Variants in WDR93 observed in about 807,000 individuals in gnomAD.
WDR93 encodes WD repeat-containing protein 93.
A neutral mutation model predicts 82.9 loss-of-function variants in WDR93; 73 were observed. That is an observed-to-expected ratio of 0.88 (90% CI 0.73 to 1.07). WDR93 has a LOEUF of 1.07. WDR93 is among the 50% of genes least tolerant of loss of function. The pLI is 0.00. For missense variants in WDR93, 738 were observed against 826.0 expected, an observed-to-expected ratio of 0.89 and a Z score of 1.31; for synonymous variants, 283 against 300.1, an observed-to-expected ratio of 0.94 and a Z score of 0.59.
At chr15:89,727,443 G>T in intron 9 of WDR93, 115 bp downstream of exon 9, 1 of 1,235,370 alleles carries the variant, frequency 8.1e-7, no homozygotes, top group Non-Finnish European at 1.1e-6. Flanking sequence ...AGCTCTTTCT[G>T]GGGCCGGGAC....
intron 8 of WDR93, among the ~76,000 whole-genome samples, chr15:89,722,888 T>C (rs1249104356): frequency 2.0e-5 from 3 of 151,872 alleles, no homozygotes; most frequent in East Asian, 1.9e-4. Context: ...GGTAGCATTA[T>C]GTACAGAGGT....
At chr15:89,702,516 A>G (rs1439531720) in intron 2 of WDR93, among the ~76,000 whole-genome samples, 1 of 149,602 alleles carries the variant, frequency 6.7e-6, no homozygotes, top group African/African-American at 2.5e-5. Flanking sequence ...GTTTTAGATG[A>G]GCACTATGTT....
chr15:89,701,702 A>T lies in WDR93; in HGVS notation c.-40-5A>T, dbSNP rs1418230416. On this transcript the variant is annotated splice_region_variant and splice_polypyrimidine_tract_variant and intron_variant, in intron 1 of 16. Transcript: ENST00000268130. ...CAGAATTCCTTTGTTTACTTCTCTT[A>T]TCAGCTTTTCAGTTTCATAGAGGTT... is the stretch of plus-strand genomic sequence containing the variant. 3.2e-6 allele frequency: 5 copies of T among 1,574,276 alleles called. No individual in the cohort carries two copies. Among genetic ancestry groups the T allele is most frequent in the African/African-American group, 1.4e-5 (1 of 73,270 alleles).
At chr15:89,694,773 T>C (rs1042214482) in intron 1 of WDR93, among the ~76,000 whole-genome samples, 6 of 152,224 alleles carry the variant, frequency 3.9e-5, no homozygotes, top group African/African-American at 1.4e-4. Context: ...TAAGAGAAGA[T>C]TGCCAAAGTT....
chr15:89,726,859 C>T (rs1966756114), intron 8 of WDR93, among the ~76,000 whole-genome samples: 1 of 152,102 alleles, frequency 6.6e-6, no homozygotes, highest in Non-Finnish European at 1.5e-5. Context: ...TTTCCCTGCC[C>T]CACCGCCCCC....
intron 9 of WDR93, among the ~76,000 whole-genome samples, chr15:89,728,305 G>C (rs1463258361): frequency 1.3e-5 from 2 of 152,204 alleles, no homozygotes; most frequent in Non-Finnish European, 2.9e-5. Context: ...CAATGAGGGA[G>C]CTGGTTTTAG....
chr15:89,735,128 C>A (rs1175218450), intron 13 of WDR93, among the ~76,000 whole-genome samples: 1 of 151,964 alleles, frequency 6.6e-6, no homozygotes, highest in African/African-American at 2.4e-5. Context: ...AGTGCTGGGC[C>A]CCCAAAGTGC....
At chr15:89,697,342 CTGAG>C (rs1338697231) in intron 1 of WDR93, among the ~76,000 whole-genome samples, 2 of 152,120 alleles carry the variant, frequency 1.3e-5, no homozygotes, top group South Asian at 2.1e-4. Flanking sequence ...AATCCCATTC[CTGAG>C]TATCTACCCT....
In WDR93 at chr15:89,690,851, C is replaced by A. The variant is rs1206937415; in HGVS notation, c.-47C>A. 1.8e-6 allele frequency: 1 copy of A among 545,116 alleles called. No homozygotes were observed. Among genetic ancestry groups the A allele is most frequent in the Non-Finnish European group, 3.3e-6 (1 of 305,566 alleles). 33.8% of individuals were successfully genotyped at this position (545,116 alleles called of 1,614,324 possible). Reference sequence around the variant, plus strand: ...GTTACCAAGGCGACGCAACGCCGCCCGGCCAGGTGAGCAAAACTGATCTTA... The same window carrying A: ...GTTACCAAGGCGACGCAACGCCGCCAGGCCAGGTGAGCAAAACTGATCTTA... On this transcript the variant is annotated 5_prime_UTR_variant, in exon 1 of 17. Transcript: ENST00000268130.
chr15:89,705,233 G>C lies in WDR93; in HGVS notation c.497-321G>C, dbSNP rs1044593920. On this transcript the variant is annotated intron_variant, in intron 3 of 16. Transcript: ENST00000268130. ...AACAGTTGGATAATGGTGTGAAGCA[G>C]TAAGGGATGGTGTGCTCAATCAGGC... 3.6e-4 allele frequency: 112 copies of C among 315,286 alleles called. 2 individuals are homozygous for C. The highest frequency in any genetic ancestry group is 1.2e-4 in the Non-Finnish European group (21 of 169,386). 19.5% of individuals were successfully genotyped at this position (315,286 alleles called of 1,614,324 possible).
intron 4 of WDR93, among the ~76,000 whole-genome samples, chr15:89,711,541 AAGAT>A (rs1024813947): frequency 6.6e-6 from 1 of 151,718 alleles, no homozygotes; most frequent in Non-Finnish European, 1.5e-5. Context: ...AAAAAAAAAA[AAGAT>A]AGCATAACCA....
At chr15:89,729,832 C>T (rs1966844216) in intron 11 of WDR93, 63 bp downstream of exon 11, 1 of 1,374,342 alleles carries the variant, frequency 7.3e-7, no homozygotes, top group Admixed American at 1.8e-5. Context: ...CCTTCTCCAG[C>T]TTAGCTAAGA....
chr15:89,703,259 G>A, intron 3 of WDR93, 117 bp downstream of exon 3: 1 of 1,057,040 alleles, frequency 9.5e-7, no homozygotes, highest in South Asian at 1.4e-5. Flanking sequence ...CCCTGGTCAT[G>A]TAATAGTAAC....
intron 13 of WDR93, 108 bp from the exon 14 acceptor site, chr15:89,735,382 A>G: frequency 1.7e-6 from 2 of 1,163,662 alleles, no homozygotes; most frequent in Non-Finnish European, 2.5e-6. Context: ...GCCTCCTCAC[A>G]TATTTCTTGA....
intron 1 of WDR93, among the ~76,000 whole-genome samples, chr15:89,697,065 C>T (rs776233670): frequency 2.0e-5 from 3 of 152,098 alleles, no homozygotes; most frequent in Non-Finnish European, 4.4e-5. Flanking sequence ...ACCTCCCTGG[C>T]TCAAGCAATC....
chr15:89,710,330 A>C (rs1965917594), intron 4 of WDR93, among the ~76,000 whole-genome samples: 1 of 152,238 alleles, frequency 6.6e-6, no homozygotes, highest in Non-Finnish European at 1.5e-5. Context: ...GAAGCCAGAC[A>C]CAAAAGAGTA....
intron 8 of WDR93, among the ~76,000 whole-genome samples, chr15:89,725,736 T>G (rs1033583686): frequency 3.2e-4 from 48 of 151,998 alleles, no homozygotes; most frequent in African/African-American, 1.1e-3. Context: ...CTAATTTTTG[T>G]ATTTTTTGTA....
rs1007032777 is a variant in WDR93, at chr15:89,692,134, C to T, written c.-41+1277C>T. Among the ~76,000 whole-genome samples, 9 of 152,210 alleles carry T rather than the reference C, an allele frequency of 5.9e-5. No individual in the cohort carries two copies. The East Asian group carries it at 7.7e-4, about 13-fold the overall frequency. On this transcript the variant is annotated intron_variant, in intron 1 of 16. Transcript: ENST00000268130. Reference sequence around the variant, plus strand: ...CTCCAAGCCACATCCAACGTCTGCCCGTACCTCTGCAAGCAGCCATGCCTT... The same window carrying T: ...CTCCAAGCCACATCCAACGTCTGCCTGTACCTCTGCAAGCAGCCATGCCTT...
chr15:89,704,938 C>T (rs1205588266), intron 3 of WDR93: 1 of 152,692 alleles, frequency 6.5e-6, no homozygotes, highest in African/African-American at 2.4e-5. Flanking sequence ...GATGCCTTTA[C>T]AAGGTTATAT....
Sources: gnomAD v4.1 joint callset for allele counts (sites outside exome capture counted in the v4.1 genomes callset) on GRCh38, gnomAD v4.1.1 for gene constraint, MANE v1.5 for transcripts, NCBI Gene and HGNC (gene_info 2026-07-23, HGNC 2026-07-21) for gene names.